The following SHOC2 variants were observed in gnomAD, a reference collection of about 807,000 sequenced individuals.
SHOC2 encodes the protein SHOC2 leucine rich repeat scaffold protein.
Under a neutral mutation model 50.2 loss-of-function variants are expected in SHOC2, and 4 were observed. That is an observed-to-expected ratio of 0.08 (90% CI 0.04 to 0.18). SHOC2 has a LOEUF of 0.18. Among genes scored for constraint, SHOC2 ranks in the 10% least tolerant of loss-of-function variants. The pLI is 1.00. For missense variants in SHOC2, 388 were observed against 669.6 expected (o/e 0.58, Z 4.64); for synonymous variants, 218 against 244.5 (o/e 0.89, Z 1.01).
chr10:111,000,982 A>G (rs149469230), intron 4 of SHOC2, among the ~76,000 whole-genome samples: 61 of 152,118 alleles, frequency 4.0e-4, no homozygotes, highest in African/African-American at 1.4e-3. Flanking sequence ...ATTAGCAGCA[A>G]TTCTCCTGTG....
At position 110,971,203 on chromosome 10, in the gene SHOC2, A is replaced by G. The variant is rs780107108; in HGVS notation, c.703+6142A>G. Among the ~76,000 whole-genome samples, 41 of 152,104 alleles carry G rather than the reference A, an allele frequency of 2.7e-4. 1 individual carries two copies. The highest frequency in any genetic ancestry group is 4.9e-4 in the Non-Finnish European group (33 of 68,006). On this transcript the variant is annotated intron_variant, in intron 2 of 8. Coordinates refer to ENST00000369452, the MANE Select transcript of SHOC2 (RefSeq NM_007373.4). Reference sequence around the variant, plus strand: ...TTGGTTCTTGACATTTAAGTCTTCAATTCATTCTGAGTTAGTTTTTTGTAT... The same window carrying G: ...TTGGTTCTTGACATTTAAGTCTTCAGTTCATTCTGAGTTAGTTTTTTGTAT...
In SHOC2 at chr10:110,964,219, AGATG is replaced by A; in HGVS notation, c.-135_-132del. On this transcript the variant is annotated 5_prime_UTR_variant, in exon 2 of 9. An upstream start codon of the reference 5' UTR is lost. Coordinates refer to ENST00000369452, the MANE Select transcript of SHOC2 (RefSeq NM_007373.4). The surrounding 1 kb of genome is among the most constrained non-coding windows in gnomAD (Gnocchi z 4.9). ...AGTGCTTTTAGATCCAACATGTAAC[AGATG>A]GATGTTACTCCATGCTGATTACTTC... 7.7e-7 allele frequency: 1 copy of A among 1,299,462 alleles called. No individual in the cohort carries two copies. The highest frequency in any genetic ancestry group is 1.0e-6 in the Non-Finnish European group (1 of 955,882). 80.5% of individuals were successfully genotyped at this position (1,299,462 alleles called of 1,614,324 possible). A position where few individuals can be genotyped will look rare whatever the true frequency, so the allele number is the denominator to read the frequency against.
At chr10:111,005,561 A>G (rs545932774) in intron 5 of SHOC2, among the ~76,000 whole-genome samples, 48 of 152,212 alleles carry the variant, frequency 3.2e-4, no homozygotes, top group Non-Finnish European at 6.6e-4. Flanking sequence ...AATATGCTTA[A>G]TTGTATATTA....
chr10:110,957,555 C>G (rs1215447087), intron 1 of SHOC2, among the ~76,000 whole-genome samples: 1 of 134,494 alleles, frequency 7.4e-6, no homozygotes, highest in Admixed American at 8.4e-5. Flanking sequence ...CCCACAATTT[C>G]CAACTCACTC....
At chr10:110,990,404 A>G (rs934491416) in intron 3 of SHOC2, among the ~76,000 whole-genome samples, 11 of 152,212 alleles carry the variant, frequency 7.2e-5, no homozygotes, top group Admixed American at 3.3e-4. Context: ...AAATACACCA[A>G]TCAGCACCCT....
At chr10:110,990,525 G>T (rs1026027629) in intron 3 of SHOC2, among the ~76,000 whole-genome samples, 3 of 83,376 alleles carry the variant, frequency 3.6e-5, no homozygotes, top group Non-Finnish European at 1.2e-4. Flanking sequence ...TAATCTGATG[G>T]GGACGTGGAG....
intron 2 of SHOC2, among the ~76,000 whole-genome samples, chr10:110,980,281 C>G (rs181594828): frequency 1.3e-5 from 2 of 151,886 alleles, no homozygotes; most frequent in Non-Finnish European, 2.9e-5. Flanking sequence ...CTCAGCCTCC[C>G]GAGTAGCTGG....
At chr10:110,990,510 C>G (rs1296055681) in intron 3 of SHOC2, among the ~76,000 whole-genome samples, 1 of 135,212 alleles carries the variant, frequency 7.4e-6, no homozygotes, top group Non-Finnish European at 1.7e-5. Flanking sequence ...AACTCTGTAT[C>G]TAACTAATCT....
intron 3 of SHOC2, among the ~76,000 whole-genome samples, chr10:110,996,658 A>G (rs761281645): frequency 5.3e-5 from 8 of 152,206 alleles, no homozygotes; most frequent in African/African-American, 1.4e-4. Context: ...AACATTTTTA[A>G]CTAGATAAAT....
chr10:110,963,241 T>A (rs1248212535), intron 1 of SHOC2, among the ~76,000 whole-genome samples: 1 of 152,230 alleles, frequency 6.6e-6, no homozygotes, highest in Non-Finnish European at 1.5e-5. Flanking sequence ...ATTTTACTAA[T>A]CTTTTTGTCC....
chr10:110,963,911 C>G (rs937878547), intron 1 of SHOC2, among the ~76,000 whole-genome samples: 1 of 152,150 alleles, frequency 6.6e-6, no homozygotes, highest in African/African-American at 2.4e-5. Flanking sequence ...AACTTACATT[C>G]ATACATCTTC....
At chr10:110,919,506 T>G (rs372543822), upstream of SHOC2, 3 of 320,876 alleles carry the variant, frequency 9.3e-6, no homozygotes, top group Non-Finnish European at 1.6e-5. Context: ...GCGGGGAGGC[T>G]GGAGCGAGAG....
chr10:111,007,870 G>A (rs1848499004), intron 6 of SHOC2, among the ~76,000 whole-genome samples: 1 of 151,974 alleles, frequency 6.6e-6, no homozygotes, highest in South Asian at 2.1e-4. Context: ...ACAAGTTGGT[G>A]TCTTTGAGTG....
chr10:110,920,453 TC>T (rs1846610875), intron 1 of SHOC2, among the ~76,000 whole-genome samples: 1 of 152,020 alleles, frequency 6.6e-6, no homozygotes, highest in African/African-American at 2.4e-5. Context: ...TTTTGTACCA[TC>T]CCCCTCCCCC....
At chr10:110,988,646 T>A (rs889085397) in intron 3 of SHOC2, among the ~76,000 whole-genome samples, 1 of 152,140 alleles carries the variant, frequency 6.6e-6, no homozygotes, top group Non-Finnish European at 1.5e-5. Flanking sequence ...TTTTATTGAT[T>A]TTCCCTATTG....
intron 1 of SHOC2, among the ~76,000 whole-genome samples, chr10:110,939,369 C>A (rs1175824771): frequency 6.6e-6 from 1 of 152,066 alleles, no homozygotes. Context: ...AAGCACGTGC[C>A]ACCATGCCTG....
At chr10:110,990,883 T>G (rs930283235) in intron 3 of SHOC2, among the ~76,000 whole-genome samples, 3 of 152,230 alleles carry the variant, frequency 2.0e-5, no homozygotes, top group African/African-American at 4.8e-5. Context: ...CTCATTGATG[T>G]TTAGTCACTA....
intron 4 of SHOC2, among the ~76,000 whole-genome samples, chr10:111,004,032 T>A (rs1170893224): frequency 6.6e-6 from 1 of 152,200 alleles, no homozygotes; most frequent in African/African-American, 2.4e-5. Context: ...TGGGTACATA[T>A]ATGCCCTCAG....
intron 2 of SHOC2, among the ~76,000 whole-genome samples, chr10:110,981,882 T>TATACTC (rs1564721100): frequency 1.8e-5 from 1 of 56,136 alleles, no homozygotes; most frequent in Admixed American, 2.7e-4. Flanking sequence ...TTTTTTAAGT[T>TATACTC]TTAGGGTACA....
Sources: allele counts gnomAD v4.1 joint callset (sites outside exome capture counted in the v4.1 genomes callset), GRCh38; gene constraint gnomAD v4.1.1; non-coding constraint Gnocchi (gnomAD v3.1); transcripts MANE v1.5; gene names NCBI Gene and HGNC (gene_info 2026-07-23, HGNC 2026-07-21).